EIF3E: variants seen among roughly 807,000 people sequenced by gnomAD.
The protein encoded by EIF3E is eukaryotic translation initiation factor 3 subunit E.
In EIF3E, 25 loss-of-function variants were observed where a neutral mutation model predicts 59.3. The ratio of observed to expected loss-of-function variants is 0.42; its 90% CI spans 0.31 to 0.59. The LOEUF (loss-of-function observed/expected upper bound fraction) is 0.59, where lower values mean the gene tolerates loss of function less well. EIF3E is among the 20% of genes least tolerant of loss of function. The probability of loss-of-function intolerance (pLI) is 0.15; values close to 1 mark genes in which losing one functional copy is unlikely to be tolerated. For synonymous variants in EIF3E, 176 were observed against 170.2 expected, an observed-to-expected ratio of 1.03 and a Z score of -0.26; for missense variants, 317 against 534.3, an observed-to-expected ratio of 0.59 and a Z score of 4.01.
intron 3 of EIF3E, among the ~76,000 whole-genome samples, chr8:108,236,671 C>T (rs1815736200): frequency 6.6e-6 from 1 of 152,132 alleles, no homozygotes; most frequent in African/African-American, 2.4e-5. Context: ...TAAATGTCCC[C>T]TCCTCCAATC....
chr8:108,235,423 G>T (rs1281793223), intron 4 of EIF3E, among the ~76,000 whole-genome samples: 2 of 152,158 alleles, frequency 1.3e-5, no homozygotes, highest in South Asian at 4.1e-4. Context: ...GTGCAACCTA[G>T]ATCCCTTGCA....
rs1484346428 is a variant in EIF3E at position 108,201,460 on chromosome 8, G to GGA, written c.*423_*424dup. On this transcript the variant is annotated 3_prime_UTR_variant, in exon 13 of 13. Transcript: ENST00000220849. ...TATGGCTACAAAAAGGTAGCATGAG[G>GGA]GAGATCATGATGATAGTTCTCTATC... The GGA allele has an allele frequency of 6.6e-6, 1 of 152,352 alleles. No homozygotes were observed. The highest frequency in any genetic ancestry group is 1.9e-4 in the East Asian group (1 of 5,208). 9.4% of individuals were successfully genotyped at this position (152,352 alleles called of 1,614,324 possible).
intron 10 of EIF3E, among the ~76,000 whole-genome samples, chr8:108,211,351 T>C (rs1368398712): frequency 6.6e-6 from 1 of 152,204 alleles, no homozygotes; most frequent in East Asian, 1.9e-4. Context: ...TGGCCAGTGA[T>C]GATGAGCATT....
intron 1 of EIF3E, chr8:108,242,583 C>A (rs1815859216): frequency 1.7e-5 from 20 of 1,160,460 alleles, no homozygotes; most frequent in Admixed American, 3.9e-5. Context: ...AAAGAAAAAT[C>A]CAAGAAAATG....
intron 3 of EIF3E, among the ~76,000 whole-genome samples, chr8:108,237,046 T>A (rs1175169044): frequency 6.6e-6 from 1 of 151,906 alleles, no homozygotes; most frequent in East Asian, 1.9e-4. Flanking sequence ...AATAAAAATT[T>A]AAAAATCATG....
At chr8:108,212,000 G>T (rs878977041) in intron 10 of EIF3E, among the ~76,000 whole-genome samples, 1 of 152,102 alleles carries the variant, frequency 6.6e-6, no homozygotes, top group Admixed American at 6.6e-5. Flanking sequence ...CAATATAAAA[G>T]AACTTACAGT....
In EIF3E at chr8:108,236,155, A is replaced by AC. The variant is rs774138450; in HGVS notation, c.366+5dup. The AC allele has an allele frequency of 6.2e-7, 1 of 1,609,652 alleles. No individual in the cohort carries two copies. Among genetic ancestry groups the AC allele is most frequent in the Non-Finnish European group, 8.5e-7 (1 of 1,178,090 alleles). On this transcript the variant is annotated splice_donor_region_variant and intron_variant, in intron 4 of 12. Transcript: ENST00000220849. ...GACAACTTTAAAATATTTTTAAAAC[A>AC]CTTACACCATGCTTGTCCGCCAGGT...
intron 6 of EIF3E, 32 bp from the exon 7 acceptor site, chr8:108,228,423 T>C (rs1182947899): frequency 1.0e-5 from 14 of 1,394,674 alleles, no homozygotes; most frequent in Non-Finnish European, 1.3e-5. Flanking sequence ...ACATAAAAAA[T>C]ATTAATATAT....
chr8:108,217,671 A>G (rs1815329494), intron 7 of EIF3E, among the ~76,000 whole-genome samples: 1 of 152,144 alleles, frequency 6.6e-6, no homozygotes, highest in Non-Finnish European at 1.5e-5. Flanking sequence ...TATTTCTTTA[A>G]TATGGGGTGA....
intron 7 of EIF3E, among the ~76,000 whole-genome samples, chr8:108,225,276 A>G (rs1049215134): frequency 5.3e-5 from 8 of 151,622 alleles, no homozygotes; most frequent in African/African-American, 1.7e-4. Flanking sequence ...AAAAACTAGA[A>G]TTTTGGAAAA....
chr8:108,237,297 G>A (rs745529934), intron 3 of EIF3E, among the ~76,000 whole-genome samples: 28 of 152,194 alleles, frequency 1.8e-4, no homozygotes, highest in Non-Finnish European at 3.8e-4. Flanking sequence ...TGTCACTCCG[G>A]ATGGAGTTCA....
At chr8:108,241,222 C>G (rs921187332) in intron 2 of EIF3E, among the ~76,000 whole-genome samples, 1 of 151,928 alleles carries the variant, frequency 6.6e-6, no homozygotes, top group South Asian at 2.1e-4. Context: ...TCTCTACTGC[C>G]AAAATTCTTG....
At chr8:108,220,825 C>T (rs1209616464) in intron 7 of EIF3E, among the ~76,000 whole-genome samples, 2 of 152,194 alleles carry the variant, frequency 1.3e-5, no homozygotes, top group Admixed American at 6.5e-5. Context: ...TTAACTGGAT[C>T]ACCACTGGTA....
At chr8:108,203,587 C>T (rs777046652) in intron 10 of EIF3E, 84 bp from the exon 11 acceptor site, 2 of 1,039,520 alleles carry the variant, frequency 1.9e-6, no homozygotes, top group Non-Finnish European at 3.0e-6. Flanking sequence ...TCACACTCTG[C>T]ATAGATACTT....
chr8:108,216,822 AT>A (rs1378478383), intron 8 of EIF3E, among the ~76,000 whole-genome samples: 1 of 152,202 alleles, frequency 6.6e-6, no homozygotes. Context: ...AAGGGTATTC[AT>A]TCCCTACTGA....
intron 2 of EIF3E, among the ~76,000 whole-genome samples, chr8:108,240,501 A>G (rs1400478795): frequency 6.6e-6 from 1 of 152,230 alleles, no homozygotes; most frequent in Admixed American, 6.5e-5. Context: ...AGGGATTTAC[A>G]TATTACTATT....
chr8:108,246,071 A>G (rs763886983), intron 1 of EIF3E, among the ~76,000 whole-genome samples: 8 of 152,230 alleles, frequency 5.3e-5, no homozygotes, highest in Non-Finnish European at 1.0e-4. Context: ...AACAAAATAG[A>G]ACAATTAAGT....
chr8:108,205,072 G>A (rs1815075194), intron 10 of EIF3E, among the ~76,000 whole-genome samples: 2 of 152,038 alleles, frequency 1.3e-5, no homozygotes, highest in Admixed American at 6.6e-5. Flanking sequence ...ATGTATGTGT[G>A]TTTATATACT....
intron 1 of EIF3E, among the ~76,000 whole-genome samples, chr8:108,246,362 G>T (rs572407909): frequency 6.6e-6 from 1 of 151,538 alleles, no homozygotes; most frequent in African/African-American, 2.4e-5. Flanking sequence ...AAGACTCAAA[G>T]CCTCACCTCC....
Sources: allele counts gnomAD v4.1 joint callset (sites outside exome capture counted in the v4.1 genomes callset), GRCh38; gene constraint gnomAD v4.1.1; transcripts MANE v1.5; gene names NCBI Gene and HGNC (gene_info 2026-07-23, HGNC 2026-07-21).